Variants in APCDD1 observed in about 807,000 individuals in gnomAD.
APCDD1 encodes APC down-regulated 1.
In APCDD1, 15 loss-of-function variants were observed where a neutral mutation model predicts 38.1. The observed-to-expected ratio is 0.39, with a 90% CI of 0.26 to 0.61. The LOEUF (loss-of-function observed/expected upper bound fraction) is 0.61, where lower values mean the gene tolerates loss of function less well. Ranked by LOEUF, APCDD1 falls within the 20% of genes least tolerant of loss-of-function variation. APCDD1 has a pLI of 0.49. For missense variants in APCDD1, 647 were observed against 696.2 expected (o/e 0.93, Z 0.79); for synonymous variants, 261 against 279.7 (o/e 0.93, Z 0.67).
intron 1 of APCDD1, among the ~76,000 whole-genome samples, chr18:10,457,879 T>G (rs1319164948): frequency 1.3e-5 from 2 of 152,230 alleles, no homozygotes; most frequent in East Asian, 3.9e-4. Flanking sequence ...GCAAATGTGG[T>G]GCGAGACCCA....
At chr18:10,460,791 TG>T in intron 1 of APCDD1, among the ~76,000 whole-genome samples, 1 of 152,168 alleles carries the variant, frequency 6.6e-6, no homozygotes, top group Admixed American at 6.5e-5. Flanking sequence ...CCGGGTACAC[TG>T]GCGTGCTTCC....
At chr18:10,455,095 C>G in intron 1 of APCDD1, 56 bp downstream of exon 1, 2 of 1,542,650 alleles carry the variant, frequency 1.3e-6, no homozygotes, top group Non-Finnish European at 8.7e-7. Flanking sequence ...GCCCGGGCGC[C>G]GCGGAGCCCG....
At chr18:10,482,925 T>C (rs560043011) in intron 3 of APCDD1, among the ~76,000 whole-genome samples, 81 of 152,376 alleles carry the variant, frequency 5.3e-4, no homozygotes, top group Non-Finnish European at 6.3e-4. Context: ...CAGTTTGTAT[T>C]TTCTTCACCT....
intron 3 of APCDD1, among the ~76,000 whole-genome samples, chr18:10,473,493 A>G (rs16974518): frequency 0.14 from 20,751 of 152,254 alleles, 3,076 homozygotes; most frequent in African/African-American, 0.37. Context: ...GCCAACATGA[A>G]TTAGGGCAGA....
intron 3 of APCDD1, among the ~76,000 whole-genome samples, chr18:10,481,491 C>A (rs1445055115): frequency 6.6e-6 from 1 of 151,968 alleles, no homozygotes; most frequent in African/African-American, 2.4e-5. Flanking sequence ...ATAGTCAAAT[C>A]CACAGAGACA....
At chr18:10,480,713 A>AC (rs2031114789) in intron 3 of APCDD1, among the ~76,000 whole-genome samples, 1 of 151,494 alleles carries the variant, frequency 6.6e-6, no homozygotes, top group African/African-American at 2.4e-5. Flanking sequence ...AATACAAAAA[A>AC]AAAATTTATC....
rs953100800 is a variant in APCDD1, at chr18:10,476,115, C to G, written c.774+4054C>G. ...GTCTTCAAAGACCGTACACGCCTGC[C>G]CAGGAGAGGCTGGAACCTCCTCCTT... On this transcript the variant is annotated intron_variant, in intron 3 of 4. Coordinates refer to ENST00000355285, the MANE Select transcript of APCDD1 (RefSeq NM_153000.5). The surrounding 1 kb of genome is among the most constrained non-coding windows in gnomAD (Gnocchi z 5.8). 6.6e-6 allele frequency: 1 copy of G among 152,244 alleles called. No homozygotes were observed. Among genetic ancestry groups the G allele is most frequent in the African/African-American group, 2.4e-5 (1 of 41,450 alleles). 9.4% of individuals were successfully genotyped at this position (152,244 alleles called of 1,614,324 possible). A position where few individuals can be genotyped will look rare whatever the true frequency, so the allele number is the denominator to read the frequency against.
rs769615162 is a variant in APCDD1, at chr18:10,471,906, C to T, written c.619C>T (p.His207Tyr). 9 of 1,614,188 alleles carry T rather than the reference C, an allele frequency of 5.6e-6. No individual in the cohort carries two copies. The highest frequency in any genetic ancestry group is 7.6e-6 in the Non-Finnish European group (9 of 1,180,040). The change falls in exon 3 of 5, where the codon CAT (histidine) becomes TAT (tyrosine). Residue 207 changes from histidine (H) to tyrosine (Y), a missense_variant. His to Tyr is a moderately conservative substitution (Grantham distance 83, BLOSUM62 2). Coordinates refer to ENST00000355285, the MANE Select transcript of APCDD1 (RefSeq NM_153000.5). The surrounding 1 kb of genome is among the most constrained non-coding windows in gnomAD (Gnocchi z 5.5). ...CACCAAGGCCGTGAACTTTGCCATGCATGAACTTCAGCTCATCCGGGTGGA... is the reference window on the plus strand; with the variant it reads ...CACCAAGGCCGTGAACTTTGCCATGTATGAACTTCAGCTCATCCGGGTGGA... The part of the protein sequence containing the change: ...ECTKAVNFAM[H>Y]ELQLIRVEKQ...
intron 1 of APCDD1, 143 bp downstream of exon 1, chr18:10,455,182 C>G: frequency 1.5e-6 from 2 of 1,375,440 alleles, no homozygotes; most frequent in South Asian, 3.0e-5. Flanking sequence ...AGCCCCGCGC[C>G]TGCCGTCTCA....
At chr18:10,463,574 T>G (rs571741535) in intron 1 of APCDD1, among the ~76,000 whole-genome samples, 1 of 152,302 alleles carries the variant, frequency 6.6e-6, no homozygotes, top group South Asian at 2.1e-4. Context: ...CAGCTGAAAT[T>G]GGTGCTTCAA....
At chr18:10,474,830 C>T (rs2030954158) in intron 3 of APCDD1, among the ~76,000 whole-genome samples, 1 of 152,150 alleles carries the variant, frequency 6.6e-6, no homozygotes, top group African/African-American at 2.4e-5. Context: ...AGGGAAAATG[C>T]CCCACAAGTG....
intron 3 of APCDD1, among the ~76,000 whole-genome samples, chr18:10,473,915 C>T (rs1425154024): frequency 1.3e-5 from 2 of 148,298 alleles, no homozygotes; most frequent in East Asian, 3.9e-4. Context: ...AGTCTAGCCA[C>T]CTTTCTGGGA....
In APCDD1 at chr18:10,476,740, A is replaced by G. The variant is rs1322304297; in HGVS notation, c.774+4679A>G. The G allele has an allele frequency of 1.3e-5, 2 of 152,208 alleles. No homozygotes were observed. The highest frequency in any genetic ancestry group is 3.9e-4 in the East Asian group (2 of 5,192). The allele number at this position is 152,208 out of a possible 1,614,324, so 9.4% of individuals were successfully genotyped here. On this transcript the variant is annotated intron_variant, in intron 3 of 4. Coordinates refer to ENST00000355285, the MANE Select transcript of APCDD1 (RefSeq NM_153000.5). This position sits in a 1 kb window ranked among gnomAD's most constrained non-coding sequence, Gnocchi z 5.8. ...AGCCTTCCCCAGGCTGTGCATCTGA[A>G]ATACTCGATCCCAGCACATGTACAG...
chr18:10,460,532 C>CAAAA (rs1167036963), intron 1 of APCDD1, among the ~76,000 whole-genome samples: 5 of 73,392 alleles, frequency 6.8e-5, no homozygotes, highest in Non-Finnish European at 9.5e-5. Flanking sequence ...GACTCTGTCT[C>CAAAA]AAAAAAAAAA....
chr18:10,465,003 G>T (rs1036064809), intron 1 of APCDD1, among the ~76,000 whole-genome samples: 4 of 152,164 alleles, frequency 2.6e-5, no homozygotes, highest in African/African-American at 9.7e-5. Context: ...ATGAAAGGCA[G>T]GGTGCTAAAC....
In APCDD1 at chr18:10,489,465, C is replaced by T. The variant is rs1302645582; in HGVS notation, c.*1427C>T. The T allele has an allele frequency of 2.0e-5, 3 of 152,136 alleles. No homozygotes were observed. The highest frequency in any genetic ancestry group is 2.9e-5 in the Non-Finnish European group (2 of 68,072). 9.4% of individuals were successfully genotyped at this position (152,136 alleles called of 1,614,324 possible). ...CCGTAACCCCAGCACTTTGGGAGACCAAGGAGGGTGGATCACGAGGTCAGG... is the reference window on the plus strand; with the variant it reads ...CCGTAACCCCAGCACTTTGGGAGACTAAGGAGGGTGGATCACGAGGTCAGG... On this transcript the variant is annotated 3_prime_UTR_variant, in exon 5 of 5. Transcript: ENST00000355285.
chr18:10,467,009 T>C lies in APCDD1; in HGVS notation c.59-1460T>C, dbSNP rs1205073609. ...CTGTCTTTCCATCTCAAAGCCAGAA[T>C]TCTACTTAGAGGGAAAATCTGGGAG... On this transcript the variant is annotated intron_variant, in intron 1 of 4. Transcript: ENST00000355285. The surrounding 1 kb of genome is among the most constrained non-coding windows in gnomAD (Gnocchi z 4.8). Among the ~76,000 whole-genome samples the C allele has an allele frequency of 1.5e-4, 23 of 152,220 alleles. No individual in the cohort carries two copies. Among genetic ancestry groups the C allele is most frequent in the Admixed American group, 1.5e-3 (23 of 15,280 alleles).
At chr18:10,487,341 G>C (rs911191723) in intron 4 of APCDD1, among the ~76,000 whole-genome samples, 17 of 152,318 alleles carry the variant, frequency 1.1e-4, no homozygotes, top group African/African-American at 4.1e-4. Context: ...TTCTACACCA[G>C]ATGGTCTGTG....
chr18:10,487,691 A>C lies in APCDD1; in HGVS notation c.1198A>C (p.Ile400Leu). The change falls in exon 5 of 5, where the codon ATC (isoleucine) becomes CTC (leucine). Residue 400 changes from isoleucine (I) to leucine (L), a missense_variant. Ile to Leu is a conservative substitution (Grantham distance 5). Transcript: ENST00000355285. ...GGCCGAGGGCTCCTGGCAGGTGGGC[A>C]TCCAGCAGGATGTGACCCACACCAA... The part of the protein sequence containing the change: ...CGAEGSWQVG[I>L]QQDVTHTNGC... 2 of 1,614,190 alleles carry C rather than the reference A, an allele frequency of 1.2e-6. No homozygotes were observed. Among genetic ancestry groups the C allele is most frequent in the Non-Finnish European group, 8.5e-7 (1 of 1,180,040 alleles).
Sources: allele counts gnomAD v4.1 joint callset (sites outside exome capture counted in the v4.1 genomes callset), GRCh38; gene constraint gnomAD v4.1.1; non-coding constraint Gnocchi (gnomAD v3.1); transcripts MANE v1.5; gene names NCBI Gene and HGNC (gene_info 2026-07-23, HGNC 2026-07-21).